Variants in APAF1 observed in about 807,000 individuals in gnomAD.
APAF1 encodes the protein apoptotic peptidase activating factor 1.
APAF1 carries 91 observed loss-of-function variants against 152.4 expected under a neutral mutation model. The ratio of observed to expected loss-of-function variants is 0.60; its 90% CI spans 0.50 to 0.71. The LOEUF is 0.71. Among genes scored for constraint, APAF1 ranks in the 30% least tolerant of loss-of-function variants. The probability of loss-of-function intolerance (pLI) is 0.00; values close to 1 mark genes in which losing one functional copy is unlikely to be tolerated. For synonymous variants in APAF1, 484 were observed against 494.1 expected, an observed-to-expected ratio of 0.98 and a Z score of 0.27; for missense variants, 1,283 against 1,472.0, an observed-to-expected ratio of 0.87 and a Z score of 2.10.
intron 3 of APAF1, 60 bp downstream of exon 3, chr12:98,648,875 T>C (rs771813021): frequency 2.9e-5 from 43 of 1,469,416 alleles, no homozygotes; most frequent in Non-Finnish European, 3.9e-5. Context: ...GTTTGTCTTA[T>C]TGTAGATGTA....
At chr12:98,653,689 AAAATAT>A (rs58713555) in intron 4 of APAF1, among the ~76,000 whole-genome samples, 1 of 23,970 alleles carries the variant, frequency 4.2e-5, no homozygotes. Context: ...AAAAAAAAAA[AAAATAT>A]ATATATATAT....
chr12:98,692,957 A>C (rs533659322), intron 16 of APAF1, among the ~76,000 whole-genome samples: 2 of 152,170 alleles, frequency 1.3e-5, no homozygotes, highest in East Asian at 3.9e-4. Context: ...TTATTTGAGA[A>C]ATCTCCAAAC....
chr12:98,689,908 T>A (rs932621302), intron 16 of APAF1, among the ~76,000 whole-genome samples: 1 of 152,254 alleles, frequency 6.6e-6, no homozygotes, highest in African/African-American at 2.4e-5. Flanking sequence ...CATTTTAATG[T>A]GTCTTCTGTT....
chr12:98,717,612 G>A (rs1489397886), intron 22 of APAF1, among the ~76,000 whole-genome samples: 2 of 152,136 alleles, frequency 1.3e-5, no homozygotes, highest in East Asian at 3.9e-4. Context: ...TGGACCTCAG[G>A]TGATCCACCC....
At chr12:98,676,706 G>A (rs1033011210) in intron 12 of APAF1, among the ~76,000 whole-genome samples, 2 of 151,142 alleles carry the variant, frequency 1.3e-5, no homozygotes, top group Admixed American at 1.3e-4. Context: ...GAGTGCAGTG[G>A]CGCGATCTTG....
intron 16 of APAF1, among the ~76,000 whole-genome samples, chr12:98,691,720 TTGTTTTTTTG>T (rs1159960427): frequency 3.3e-5 from 5 of 152,012 alleles, no homozygotes; most frequent in Admixed American, 3.3e-4. Flanking sequence ...CCTAGTTTTT[TTGTTTTTTTG>T]TGTTTTTTTT....
At chr12:98,702,841 CA>C (rs201068873) in intron 17 of APAF1, among the ~76,000 whole-genome samples, 3,983 of 81,120 alleles carry the variant, frequency 0.049, 122 homozygotes, top group African/African-American at 0.13. Flanking sequence ...AAGTCTGTCT[CA>C]AAAAAAAAAA....
chr12:98,701,362 A>G lies in APAF1; in HGVS notation c.2466+1793A>G, dbSNP rs149982140. Among the ~76,000 whole-genome samples the G allele has an allele frequency of 2.6e-3, 394 of 152,276 alleles. 2 individuals carry two copies. Among genetic ancestry groups the G allele is most frequent in the African/African-American group, 9.1e-3 (379 of 41,570 alleles). ...CTATTTGAGCCTTGTGTGTTTACCTAGGAGTGGAATTACTGGGTCATATGG... is the reference window on the plus strand; with the variant it reads ...CTATTTGAGCCTTGTGTGTTTACCTGGGAGTGGAATTACTGGGTCATATGG... On this transcript the variant is annotated intron_variant, in intron 17 of 26. Transcript: ENST00000551964.
At chr12:98,679,902 A>G (rs1278103030) in intron 13 of APAF1, among the ~76,000 whole-genome samples, 1 of 152,266 alleles carries the variant, frequency 6.6e-6, no homozygotes, top group East Asian at 1.9e-4. Flanking sequence ...CGCCCTTGGC[A>G]GGCTTGGGAC....
At chr12:98,722,316 C>T (rs2097744202) in intron 22 of APAF1, among the ~76,000 whole-genome samples, 1 of 152,046 alleles carries the variant, frequency 6.6e-6, no homozygotes, top group Non-Finnish European at 1.5e-5. Context: ...TATTGTAGGA[C>T]TTTTTGGGTT....
chr12:98,708,701 G>A lies in APAF1; in HGVS notation c.2838G>A (p.Leu946=). The change falls in exon 20 of 27, where the codon CTG becomes CTA. Residue 946 remains leucine (L), a synonymous_variant. Coordinates refer to ENST00000551964, the MANE Select transcript of APAF1 (RefSeq NM_181861.2). ...MVLAVDHIRR[L]QLINGRTGQI... ...TTGCAGTTGACCATATAAGACGTCTGCAAGTGAGTATTTTTTAGAAAACAA... is the reference window on the plus strand; with the variant it reads ...TTGCAGTTGACCATATAAGACGTCTACAAGTGAGTATTTTTTAGAAAACAA... The A allele has an allele frequency of 6.2e-7, 1 of 1,612,598 alleles. No homozygotes were observed. Among genetic ancestry groups the A allele is most frequent in the African/African-American group, 1.3e-5 (1 of 75,020 alleles).
rs150517766 is a variant in APAF1 at position 98,718,569 on chromosome 12, G to A, written c.3084+3017G>A. 3.8e-3 allele frequency among the ~76,000 whole-genome samples: 582 copies of A among 152,192 alleles called. 4 individuals are homozygous for A. Among genetic ancestry groups the A allele is most frequent in the Middle Eastern group, 0.01 (3 of 294 alleles). On this transcript the variant is annotated intron_variant, in intron 22 of 26. Coordinates refer to ENST00000551964, the MANE Select transcript of APAF1 (RefSeq NM_181861.2). Reference sequence around the variant, plus strand: ...TAAAATCAAGTTTCCTAAACTCCTTGGAGGAGTGGGGAAGTCCAGCATTTC... The same window carrying A: ...TAAAATCAAGTTTCCTAAACTCCTTAGAGGAGTGGGGAAGTCCAGCATTTC...
At chr12:98,696,295 T>A (rs1406646564) in intron 16 of APAF1, among the ~76,000 whole-genome samples, 1 of 151,986 alleles carries the variant, frequency 6.6e-6, no homozygotes, top group Non-Finnish European at 1.5e-5. Flanking sequence ...TGCAAAGAGA[T>A]CATATGAAAA....
chr12:98,650,631 A>G (rs1295010728), intron 4 of APAF1, among the ~76,000 whole-genome samples: 1 of 152,182 alleles, frequency 6.6e-6, no homozygotes, highest in African/African-American at 2.4e-5. Flanking sequence ...CTATGTGTAC[A>G]CATGGCCTCA....
chr12:98,661,669 A>G (rs1441654993), intron 5 of APAF1, among the ~76,000 whole-genome samples: 1 of 151,516 alleles, frequency 6.6e-6, no homozygotes, highest in African/African-American at 2.4e-5. Context: ...GGGTTTCTCC[A>G]TGTTGGTCAG....
intron 7 of APAF1, among the ~76,000 whole-genome samples, chr12:98,665,070 C>T (rs1273717933): frequency 6.6e-6 from 1 of 150,450 alleles, no homozygotes; most frequent in Non-Finnish European, 1.5e-5. Flanking sequence ...CACACTGTTC[C>T]TCAGGCTAGG....
chr12:98,670,092 G>A (rs1326792873), intron 10 of APAF1, among the ~76,000 whole-genome samples: 1 of 151,976 alleles, frequency 6.6e-6, no homozygotes, highest in East Asian at 1.9e-4. Context: ...GCACGGGTGT[G>A]CACCACCACA....
chr12:98,662,416 A>G (rs761550622), intron 5 of APAF1, 40 bp from the exon 6 acceptor site: 98 of 1,413,778 alleles, frequency 6.9e-5, no homozygotes, highest in Non-Finnish European at 9.3e-5. Flanking sequence ...GAAGCTTAAG[A>G]TAAGTGTCAT....
intron 20 of APAF1, 46 bp from the exon 21 acceptor site, chr12:98,712,273 A>G (rs1421259980): frequency 9.3e-7 from 1 of 1,072,030 alleles, no homozygotes; most frequent in South Asian, 1.2e-5. Context: ...ACGAACAAAA[A>G]CTGCTCTTAC....
Sources: gnomAD v4.1 joint callset for allele counts (sites outside exome capture counted in the v4.1 genomes callset) on GRCh38, gnomAD v4.1.1 for gene constraint, MANE v1.5 for transcripts, NCBI Gene and HGNC (gene_info 2026-07-23, HGNC 2026-07-21) for gene names.